The following GPC5 variants were observed in gnomAD, a reference collection of about 807,000 sequenced individuals.
GPC5 encodes glypican 5, also known as glypican-5.
A neutral mutation model predicts 53.9 loss-of-function variants in GPC5; 47 were observed. The observed-to-expected ratio is 0.87, with a 90% CI of 0.69 to 1.11. The LOEUF (loss-of-function observed/expected upper bound fraction) is 1.11, where lower values mean the gene tolerates loss of function less well. Ranked by LOEUF, GPC5 falls within the 50% of genes most tolerant of loss-of-function variation. The pLI, the probability that GPC5 is intolerant of heterozygous loss-of-function variation, is 0.00. For missense variants in GPC5, 748 were observed against 713.1 expected (o/e 1.05, Z -0.56); for synonymous variants, 286 against 263.3 (o/e 1.09, Z -0.84).
chr13:92,028,440 G>A (rs1409943322), intron 6 of GPC5, among the ~76,000 whole-genome samples: 2 of 152,092 alleles, frequency 1.3e-5, no homozygotes, highest in East Asian at 3.9e-4. Context: ...TTCTTGAATT[G>A]CTATTATGCT....
intron 6 of GPC5, among the ~76,000 whole-genome samples, chr13:92,138,316 C>T (rs533245995): frequency 6.6e-6 from 1 of 151,996 alleles, no homozygotes; most frequent in East Asian, 1.9e-4. Context: ...GCCAAGAGAT[C>T]GAAATCATCC....
At chr13:92,125,823 T>G (rs903646285) in intron 6 of GPC5, among the ~76,000 whole-genome samples, 2 of 152,006 alleles carry the variant, frequency 1.3e-5, no homozygotes, top group African/African-American at 4.8e-5. Context: ...AATGTAGAAA[T>G]TCATCCAATT....
chr13:92,717,721 C>G (rs1039636175), intron 7 of GPC5, among the ~76,000 whole-genome samples: 1 of 152,158 alleles, frequency 6.6e-6, no homozygotes, highest in African/African-American at 2.4e-5. Context: ...TTATCTTTTT[C>G]TCTTTTTCCT....
intron 7 of GPC5, among the ~76,000 whole-genome samples, chr13:92,707,178 C>T (rs1887980144): frequency 6.6e-6 from 1 of 152,110 alleles, no homozygotes; most frequent in Non-Finnish European, 1.5e-5. Context: ...GCCACCCAGT[C>T]TATTTTATTT....
chr13:92,074,642 AATT>A (rs1038818402), intron 6 of GPC5, among the ~76,000 whole-genome samples: 17 of 152,176 alleles, frequency 1.1e-4, no homozygotes, highest in African/African-American at 4.1e-4. Flanking sequence ...GATTTTCCTG[AATT>A]ATTGAGTATC....
chr13:92,776,051 A>T (rs1211945813), intron 7 of GPC5, among the ~76,000 whole-genome samples: 1 of 152,206 alleles, frequency 6.6e-6, no homozygotes, highest in Non-Finnish European at 1.5e-5. Flanking sequence ...GTGGCTTAAA[A>T]CAACACAGAT....
intron 5 of GPC5, among the ~76,000 whole-genome samples, chr13:91,843,474 C>T (rs1537027): frequency 0.38 from 57,966 of 151,900 alleles, 12,664 homozygotes; most frequent in East Asian, 0.86. Context: ...GATATATGTA[C>T]GTAATGGCAA....
intron 2 of GPC5, among the ~76,000 whole-genome samples, chr13:91,613,693 G>A (rs925471977): frequency 6.6e-6 from 1 of 152,178 alleles, no homozygotes; most frequent in Non-Finnish European, 1.5e-5. Context: ...ATCAACTTCG[G>A]TATATTGACC....
Position 92,091,672 on chromosome 13 carries a change from A to G in GPC5, c.1402-53158A>G, listed in dbSNP as rs563676709. On this transcript the variant is annotated intron_variant, in intron 6 of 7. Transcript: ENST00000377067. ...ACACAAAATATTTTCTGCATGTCAC[A>G]TACGGAGTCATTCTGTATTTTGTCA... is the stretch of plus-strand genomic sequence containing the variant. Among the ~76,000 whole-genome samples the G allele has an allele frequency of 4.8e-4, 73 of 152,046 alleles. 1 individual carries two copies. Among genetic ancestry groups the G allele is most frequent in the African/African-American group, 1.6e-3 (67 of 41,494 alleles).
intron 2 of GPC5, among the ~76,000 whole-genome samples, chr13:91,480,565 A>C (rs1883245625): frequency 6.6e-6 from 1 of 152,230 alleles, no homozygotes; most frequent in African/African-American, 2.4e-5. Context: ...CTACAGCCTC[A>C]GTAAATATTG....
At chr13:91,716,834 C>T (rs988905317) in intron 3 of GPC5, among the ~76,000 whole-genome samples, 2 of 152,300 alleles carry the variant, frequency 1.3e-5, no homozygotes, top group African/African-American at 2.4e-5. Flanking sequence ...GCATTTAAAT[C>T]GTCTCCTGCA....
chr13:92,103,582 G>A (rs1384215588), intron 6 of GPC5, among the ~76,000 whole-genome samples: 2 of 152,044 alleles, frequency 1.3e-5, no homozygotes, highest in Admixed American at 1.3e-4. Flanking sequence ...GAGAACCCAA[G>A]GACCAGAGTA....
chr13:91,526,548 T>A (rs1178582689), intron 2 of GPC5, among the ~76,000 whole-genome samples: 1 of 152,230 alleles, frequency 6.6e-6, no homozygotes, highest in African/African-American at 2.4e-5. Context: ...ATTTAATTTT[T>A]GCTTTTATCT....
chr13:91,997,766 C>T (rs907251813), intron 6 of GPC5, among the ~76,000 whole-genome samples: 3 of 152,070 alleles, frequency 2.0e-5, no homozygotes, highest in South Asian at 2.1e-4. Context: ...ATGATCTGCC[C>T]GCCTCAGCCT....
chr13:92,800,194 T>C (rs965537067), intron 7 of GPC5, among the ~76,000 whole-genome samples: 5 of 151,950 alleles, frequency 3.3e-5, no homozygotes, highest in African/African-American at 9.6e-5. Flanking sequence ...TAACTATACA[T>C]GACTGTAAAA....
intron 5 of GPC5, among the ~76,000 whole-genome samples, chr13:91,850,783 T>C (rs1417355274): frequency 1.5e-5 from 2 of 129,164 alleles, no homozygotes; most frequent in African/African-American, 5.8e-5. Flanking sequence ...ATGATTGTTG[T>C]ATTTTAGATT....
chr13:92,767,911 T>C (rs1367963297), intron 7 of GPC5, among the ~76,000 whole-genome samples: 3 of 152,206 alleles, frequency 2.0e-5, no homozygotes, highest in African/African-American at 7.2e-5. Flanking sequence ...GATTTGTCTA[T>C]TTTTAAATTT....
At chr13:92,865,674 A>C (rs964625319) in intron 7 of GPC5, among the ~76,000 whole-genome samples, 2 of 152,168 alleles carry the variant, frequency 1.3e-5, no homozygotes, top group Non-Finnish European at 2.9e-5. Flanking sequence ...AAAAATGCTA[A>C]GGATGTGAGG....
At chr13:92,671,913 G>A (rs12323119) in intron 7 of GPC5, among the ~76,000 whole-genome samples, 36,577 of 152,008 alleles carry the variant, frequency 0.24, 4,761 homozygotes, top group South Asian at 0.36. Context: ...GAGAAGTTAA[G>A]GGAGAACGTT....
Sources: gnomAD v4.1 joint callset for allele counts (sites outside exome capture counted in the v4.1 genomes callset) on GRCh38, gnomAD v4.1.1 for gene constraint, MANE v1.5 for transcripts, NCBI Gene and HGNC (gene_info 2026-07-23, HGNC 2026-07-21) for gene names.